KCNAB1: variants seen among roughly 807,000 people sequenced by gnomAD.
KCNAB1 encodes the protein voltage-gated potassium channel subunit beta-1.
Under a neutral mutation model 64.6 loss-of-function variants are expected in KCNAB1, and 35 were observed. That is an observed-to-expected ratio of 0.54 (90% confidence interval 0.41 to 0.72). The LOEUF (loss-of-function observed/expected upper bound fraction) is 0.72, where lower values mean the gene tolerates loss of function less well. Ranked by LOEUF, KCNAB1 falls within the 30% of genes least tolerant of loss-of-function variation. The pLI, the probability that KCNAB1 is intolerant of heterozygous loss-of-function variation, is 0.00. For synonymous variants in KCNAB1, 177 were observed against 183.8 expected, an observed-to-expected ratio of 0.96 and a Z score of 0.30; for missense variants, 401 against 512.9, an observed-to-expected ratio of 0.78 and a Z score of 2.11.
At chr3:156,379,501 G>A (rs1017049681) in intron 1 of KCNAB1, among the ~76,000 whole-genome samples, 1 of 152,128 alleles carries the variant, frequency 6.6e-6, no homozygotes. Flanking sequence ...AGGAGGTGAG[G>A]GAGTGAGCCA....
At chr3:156,234,380 G>A (rs1716730932) in intron 1 of KCNAB1, among the ~76,000 whole-genome samples, 1 of 152,114 alleles carries the variant, frequency 6.6e-6, no homozygotes, top group Admixed American at 6.6e-5. Flanking sequence ...ATTTCCACAA[G>A]TACCCCAGAG....
At chr3:156,439,552 C>A (rs573607407) in intron 2 of KCNAB1, among the ~76,000 whole-genome samples, 24 of 152,310 alleles carry the variant, frequency 1.6e-4, no homozygotes, top group African/African-American at 4.8e-4. Flanking sequence ...GACACTATCA[C>A]GAAGTGTGCA....
intron 2 of KCNAB1, among the ~76,000 whole-genome samples, chr3:156,438,519 G>A (rs1716750204): frequency 6.6e-6 from 1 of 152,140 alleles, no homozygotes; most frequent in Non-Finnish European, 1.5e-5. Context: ...ACATTCCAAT[G>A]TCGACTGTGG....
chr3:156,199,970 A>G (rs1379844075), intron 1 of KCNAB1, among the ~76,000 whole-genome samples: 1 of 151,966 alleles, frequency 6.6e-6, no homozygotes, highest in East Asian at 1.9e-4. Flanking sequence ...TCTACCTTTG[A>G]TCTTTGATGC....
At chr3:156,481,470 A>AT (rs2108332367) in intron 8 of KCNAB1, among the ~76,000 whole-genome samples, 1 of 151,136 alleles carries the variant, frequency 6.6e-6, no homozygotes, top group East Asian at 1.9e-4. Context: ...TTTTGTTTCC[A>AT]TTTTAACTGC....
intron 4 of KCNAB1, among the ~76,000 whole-genome samples, 164 bp from the exon 5 acceptor site, chr3:156,459,663 C>T (rs1712742843): frequency 1.3e-5 from 2 of 151,930 alleles, no homozygotes; most frequent in African/African-American, 4.8e-5. Flanking sequence ...ATTTTGCAGG[C>T]ACAAGCAGAA....
chr3:156,179,000 CAA>C (rs200144513), intron 1 of KCNAB1, among the ~76,000 whole-genome samples: 7,384 of 106,292 alleles, frequency 0.069, 73 homozygotes, highest in African/African-American at 0.13. Flanking sequence ...GACTCCGTCT[CAA>C]AAAAAAAAAA....
chr3:156,222,100 G>A (rs1715805500), intron 1 of KCNAB1, among the ~76,000 whole-genome samples: 1 of 152,076 alleles, frequency 6.6e-6, no homozygotes, highest in Admixed American at 6.5e-5. Context: ...GAATGTAAAT[G>A]GCCTAAAATG....
At chr3:156,325,923 TG>T (rs199941810) in intron 1 of KCNAB1, among the ~76,000 whole-genome samples, 2,116 of 152,280 alleles carry the variant, frequency 0.014, 16 homozygotes, top group Non-Finnish European at 0.023. Context: ...TCAAGTAAGT[TG>T]GGGTTTACAA....
chr3:156,433,899 G>C (rs965133884), intron 2 of KCNAB1, among the ~76,000 whole-genome samples: 1 of 152,076 alleles, frequency 6.6e-6, no homozygotes, highest in Non-Finnish European at 1.5e-5. Flanking sequence ...ATATTTGCCT[G>C]TCTTACCACT....
intron 2 of KCNAB1, among the ~76,000 whole-genome samples, chr3:156,436,698 G>C (rs1417702868): frequency 6.6e-6 from 1 of 152,282 alleles, no homozygotes; most frequent in East Asian, 1.9e-4. Context: ...ATGTTTGTAG[G>C]CTGCATAAAT....
At chr3:156,342,701 G>T (rs539057779) in intron 1 of KCNAB1, among the ~76,000 whole-genome samples, 26 of 148,808 alleles carry the variant, frequency 1.7e-4, no homozygotes, top group Non-Finnish European at 3.7e-4. Flanking sequence ...ATGCTGGTGC[G>T]CTGCGCCCAC....
intron 8 of KCNAB1, among the ~76,000 whole-genome samples, chr3:156,493,168 A>G (rs773158999): frequency 1.2e-4 from 19 of 152,024 alleles, no homozygotes; most frequent in Non-Finnish European, 2.6e-4. Context: ...CCTTGATCAG[A>G]TGCCAACCCG....
Position 156,420,354 on chromosome 3 carries a change from G to A in KCNAB1, c.276-1262G>A, listed in dbSNP as rs115974144. ...TTGTGACAACGGGTCAAAAGCCCGG[G>A]TCTTTCAACTCTTTGCATTTTTATG... is the stretch of plus-strand genomic sequence containing the variant. On this transcript the variant is annotated intron_variant, in intron 1 of 13. Coordinates refer to ENST00000490337, the MANE Select transcript of KCNAB1 (RefSeq NM_172160.3). Among the ~76,000 whole-genome samples, 702 of 152,366 alleles carry A rather than the reference G, an allele frequency of 4.6e-3. 2 individuals are homozygous for A. The highest frequency in any genetic ancestry group is 6.8e-3 in the Non-Finnish European group (462 of 68,034).
intron 1 of KCNAB1, among the ~76,000 whole-genome samples, chr3:156,380,198 A>G (rs1301736557): frequency 6.6e-6 from 1 of 152,088 alleles, no homozygotes; most frequent in African/African-American, 2.4e-5. Context: ...CTTCCCCTCT[A>G]TCTTCCATTG....
intron 1 of KCNAB1, among the ~76,000 whole-genome samples, chr3:156,135,394 G>T (rs1714281641): frequency 6.6e-6 from 1 of 152,112 alleles, no homozygotes; most frequent in Admixed American, 6.5e-5. Flanking sequence ...GCCAGGCAAA[G>T]ATTTAAGTCC....
chr3:156,415,486 G>A (rs1048825379), intron 1 of KCNAB1, among the ~76,000 whole-genome samples: 11 of 151,790 alleles, frequency 7.2e-5, no homozygotes, highest in African/African-American at 9.7e-5. Context: ...CTTCCCATCC[G>A]TGACACAACT....
intron 5 of KCNAB1, among the ~76,000 whole-genome samples, chr3:156,463,029 T>G (rs1713044195): frequency 6.6e-6 from 1 of 152,228 alleles, no homozygotes; most frequent in Non-Finnish European, 1.5e-5. Flanking sequence ...TTAAGGACTT[T>G]AGGACTGTTT....
At chr3:156,360,951 C>A (rs969681801) in intron 1 of KCNAB1, among the ~76,000 whole-genome samples, 7 of 151,996 alleles carry the variant, frequency 4.6e-5, no homozygotes, top group African/African-American at 1.7e-4. Context: ...TGCTGTCTCC[C>A]TTGTCCCCTT....
Sources: allele counts gnomAD v4.1 joint callset (sites outside exome capture counted in the v4.1 genomes callset), GRCh38; gene constraint gnomAD v4.1.1; transcripts MANE v1.5; gene names NCBI Gene and HGNC (gene_info 2026-07-23, HGNC 2026-07-21).